LRCH2: variants seen among roughly 807,000 people sequenced by gnomAD.
The protein encoded by LRCH2 is leucine rich repeats and calponin homology domain containing 2, also known as leucine-rich repeat and calponin homology domain-containing protein 2.
LRCH2 carries 38 observed loss-of-function variants against 68.9 expected under a neutral mutation model. The observed-to-expected ratio is 0.55, with a 90% CI of 0.43 to 0.72. The LOEUF is 0.72. Among genes scored for constraint, LRCH2 ranks in the 30% least tolerant of loss-of-function variants. LRCH2 has a pLI of 0.00. For missense variants in LRCH2, 528 were observed against 572.9 expected (o/e 0.92, Z 0.80); for synonymous variants, 191 against 208.1 (o/e 0.92, Z 0.71).
intron 1 of LRCH2, among the ~76,000 whole-genome samples, chrX:115,228,934 A>G (rs1381784831): frequency 9.0e-6 from 1 of 111,124 alleles, no homozygotes; most frequent in Non-Finnish European, 1.9e-5. Context: ...TTATAGTGAA[A>G]TTCTTTTCTA....
chrX:115,211,331 A>T (rs1341430341), intron 1 of LRCH2, among the ~76,000 whole-genome samples: 1 of 111,399 alleles, frequency 9.0e-6, no homozygotes, highest in African/African-American at 3.3e-5. Flanking sequence ...GCTGGTTTTA[A>T]AAAGGGGAGG....
chrX:115,220,256 A>G (rs2073069223), intron 1 of LRCH2, among the ~76,000 whole-genome samples: 1 of 112,314 alleles, frequency 8.9e-6, no homozygotes, highest in Admixed American at 9.5e-5. Context: ...GTGCATCCAT[A>G]CATTTTTCTT....
intron 20 of LRCH2, among the ~76,000 whole-genome samples, chrX:115,119,102 C>G (rs1370907570): frequency 1.8e-5 from 2 of 110,846 alleles, no homozygotes; most frequent in African/African-American, 3.3e-5. Context: ...CCTTTGAAAA[C>G]TGGCACAAGA....
chrX:115,208,404 C>G (rs2072983864), intron 1 of LRCH2, among the ~76,000 whole-genome samples: 2 of 111,898 alleles, frequency 1.8e-5, no homozygotes. Context: ...ATTGCTGTGT[C>G]CTGTTTCCTG....
intron 3 of LRCH2, among the ~76,000 whole-genome samples, chrX:115,183,052 A>T (rs2072705404): frequency 9.2e-6 from 1 of 108,832 alleles, no homozygotes; most frequent in Non-Finnish European, 1.9e-5. Flanking sequence ...ACAGTCACGC[A>T]TGCACACGCA....
intron 14 of LRCH2, among the ~76,000 whole-genome samples, chrX:115,139,808 G>C (rs1556533513): frequency 9.0e-6 from 1 of 111,401 alleles, no homozygotes; most frequent in East Asian, 2.8e-4. Flanking sequence ...ATTTGGATCA[G>C]CCCTAACCAG....
intron 11 of LRCH2, among the ~76,000 whole-genome samples, chrX:115,157,018 G>C: frequency 9.0e-6 from 1 of 111,282 alleles, no homozygotes. Flanking sequence ...CAAATGATAT[G>C]AGGTATGTTT....
Position 115,188,383 on chromosome X carries a change from TAGTG to T in LRCH2, c.350-17_350-14del, listed in dbSNP as rs1556555401. On this transcript the variant is annotated splice_polypyrimidine_tract_variant and intron_variant, in intron 1 of 20. Coordinates refer to ENST00000317135, the MANE Select transcript of LRCH2 (RefSeq NM_020871.4). ...TTTCTGGAAAGATCTGAAAAGAAAA[TAGTG>T]AGTATTAAACATATACCTATATCTA... 6.2e-6 allele frequency: 7 copies of T among 1,127,496 alleles called. No homozygotes were observed. Among genetic ancestry groups the T allele is most frequent in the Non-Finnish European group, 7.1e-6 (6 of 839,565 alleles). 92.9% of individuals were successfully genotyped at this position (1,127,496 alleles called of 1,213,427 possible). A position where few individuals can be genotyped will look rare whatever the true frequency, so the allele number is the denominator to read the frequency against.
intron 20 of LRCH2, among the ~76,000 whole-genome samples, chrX:115,121,276 G>A (rs1290785435): frequency 2.7e-5 from 3 of 111,064 alleles, no homozygotes; most frequent in African/African-American, 6.6e-5. Flanking sequence ...TGCAGAAAAC[G>A]TTGCTAAGTT....
chrX:115,233,680 C>G lies in LRCH2; in HGVS notation c.349+13G>C, dbSNP rs1556579127. On this transcript the variant is annotated intron_variant, in intron 1 of 20. Transcript: ENST00000317135. ...TCCTTCACAGCCAGCTTCCCCTCCC[C>G]CCGTCCTGTCACCTGCTTGGGTGGT... 5.3e-6 allele frequency: 6 copies of G among 1,128,529 alleles called. No individual in the cohort carries two copies. In the Admixed American group the frequency reaches 1.1e-4, roughly 22 times the overall value. 93.0% of individuals were successfully genotyped at this position (1,128,529 alleles called of 1,213,427 possible).
At chrX:115,210,966 C>CT (rs1265735833) in intron 1 of LRCH2, among the ~76,000 whole-genome samples, 2 of 112,122 alleles carry the variant, frequency 1.8e-5, no homozygotes, top group Admixed American at 9.4e-5. Context: ...TACCCGATGC[C>CT]TGTATCCCCA....
At chrX:115,159,707 C>T (rs931690104) in intron 11 of LRCH2, among the ~76,000 whole-genome samples, 13 of 103,564 alleles carry the variant, frequency 1.3e-4, no homozygotes, top group Admixed American at 3.2e-4. Context: ...ACCGAGATCA[C>T]GCCACTGCAC....
chrX:115,233,261 G>C (rs1239968261), intron 1 of LRCH2, among the ~76,000 whole-genome samples: 1 of 112,186 alleles, frequency 8.9e-6, no homozygotes, highest in East Asian at 2.8e-4. Context: ...CTCTGAAAAA[G>C]GATATGCCAT....
At chrX:115,151,157 T>C (rs1277959004) in intron 12 of LRCH2, among the ~76,000 whole-genome samples, 5 of 111,610 alleles carry the variant, frequency 4.5e-5, no homozygotes, top group Non-Finnish European at 7.5e-5. Flanking sequence ...CAAAGTTAAT[T>C]TGGAAGAATG....
rs782811705 is a variant in LRCH2 at position 115,192,638 on chromosome X, G to C, written c.350-4268C>G. On this transcript the variant is annotated intron_variant, in intron 1 of 20. Transcript: ENST00000317135. ...TTCGAGAGGGGGGAAGGCCGGAGCA[G>C]ATACTAAGCAGGAACAGACTTGGGC... 9.5e-5 allele frequency: 111 copies of C among 1,167,788 alleles called. No homozygotes were observed. Among genetic ancestry groups the C allele is most frequent in the Non-Finnish European group, 1.2e-4 (105 of 873,473 alleles).
chrX:115,222,838 T>C (rs1556574615), intron 1 of LRCH2, among the ~76,000 whole-genome samples: 1 of 111,785 alleles, frequency 8.9e-6, no homozygotes, highest in African/African-American at 3.2e-5. Flanking sequence ...CCAAAGAAAT[T>C]GTGTAGCTTA....
chrX:115,143,386 A>G (rs184336302), intron 14 of LRCH2, among the ~76,000 whole-genome samples: 1 of 111,391 alleles, frequency 9.0e-6, no homozygotes, highest in Admixed American at 9.6e-5. Flanking sequence ...TCTAGAGGAG[A>G]TGGACAAATT....
intron 1 of LRCH2, among the ~76,000 whole-genome samples, chrX:115,196,074 C>T (rs1293228969): frequency 2.7e-5 from 3 of 111,347 alleles, no homozygotes; most frequent in Admixed American, 1.9e-4. Context: ...AATGGGGAAT[C>T]CCACAATCAA....
chrX:115,179,996 A>G, intron 3 of LRCH2, among the ~76,000 whole-genome samples: 1 of 110,270 alleles, frequency 9.1e-6, no homozygotes, highest in Middle Eastern at 4.6e-3. Flanking sequence ...AGTAACTACA[A>G]CCTCTCGAAA....
Sources: allele counts gnomAD v4.1 joint callset (sites outside exome capture counted in the v4.1 genomes callset), GRCh38; gene constraint gnomAD v4.1.1; transcripts MANE v1.5; gene names NCBI Gene and HGNC (gene_info 2026-07-23, HGNC 2026-07-21).